Variants in ARHGEF28 observed in about 807,000 individuals in gnomAD.
The protein encoded by ARHGEF28 is 190 kDa guanine nucleotide exchange factor.
In ARHGEF28, 152 loss-of-function variants were observed where a neutral mutation model predicts 206.6. The observed-to-expected ratio is 0.74, with a 90% CI of 0.64 to 0.84. The LOEUF (loss-of-function observed/expected upper bound fraction) is 0.84. Among genes scored for constraint, ARHGEF28 ranks in the 40% least tolerant of loss-of-function variants. The pLI is 0.00. For missense variants in ARHGEF28, 2,028 were observed against 2,073.2 expected, an observed-to-expected ratio of 0.98 and a Z score of 0.42; for synonymous variants, 763 against 776.4, an observed-to-expected ratio of 0.98 and a Z score of 0.29.
intron 7 of ARHGEF28, among the ~76,000 whole-genome samples, chr5:73,785,028 G>A (rs1473162946): frequency 6.6e-6 from 1 of 152,088 alleles, no homozygotes; most frequent in Non-Finnish European, 1.5e-5. Context: ...GAAGGAGTGA[G>A]ATATCATGAG....
chr5:73,662,599 A>C (rs1260928295), intron 1 of ARHGEF28, among the ~76,000 whole-genome samples: 1 of 152,218 alleles, frequency 6.6e-6, no homozygotes, highest in African/African-American at 2.4e-5. Context: ...AATTTTCTTC[A>C]CAAAATATTT....
intron 24 of ARHGEF28, among the ~76,000 whole-genome samples, chr5:73,884,743 A>G (rs1203147053): frequency 7.2e-6 from 1 of 138,332 alleles, no homozygotes; most frequent in Non-Finnish European, 1.6e-5. Context: ...CAGTTGCCTT[A>G]ATAAACATCA....
intron 4 of ARHGEF28, among the ~76,000 whole-genome samples, chr5:73,768,094 A>C (rs1221175296): frequency 6.6e-6 from 1 of 152,218 alleles, no homozygotes; most frequent in East Asian, 1.9e-4. Context: ...TTGGGAACCT[A>C]GATTTCAAAG....
intron 2 of ARHGEF28, among the ~76,000 whole-genome samples, chr5:73,745,529 T>C (rs1043375395): frequency 3.3e-5 from 5 of 152,084 alleles, no homozygotes; most frequent in African/African-American, 1.2e-4. Context: ...ATGAGTAGAA[T>C]TTCTCTAGAG....
chr5:73,852,267 A>C (rs146873310), intron 13 of ARHGEF28, among the ~76,000 whole-genome samples: 54 of 152,342 alleles, frequency 3.5e-4, no homozygotes, highest in Admixed American at 1.8e-3. Flanking sequence ...GTTTAAAAGC[A>C]GTTATTTATT....
At chr5:73,736,814 G>A (rs1467972933) in intron 2 of ARHGEF28, among the ~76,000 whole-genome samples, 2 of 140,948 alleles carry the variant, frequency 1.4e-5, no homozygotes, top group Non-Finnish European at 3.1e-5. Context: ...AAACAACGTC[G>A]AATTTTATGG....
intron 10 of ARHGEF28, among the ~76,000 whole-genome samples, chr5:73,839,809 A>G (rs1307870659): frequency 2.0e-5 from 3 of 152,136 alleles, no homozygotes; most frequent in Non-Finnish European, 4.4e-5. Flanking sequence ...ATGTACGTGC[A>G]CTTTATGTAG....
At chr5:73,641,847 T>C (rs1744128266) in intron 1 of ARHGEF28, among the ~76,000 whole-genome samples, 1 of 152,208 alleles carries the variant, frequency 6.6e-6, no homozygotes, top group Admixed American at 6.5e-5. Flanking sequence ...TTGATATTAA[T>C]AATGAAGAGG....
chr5:73,857,413 C>T (rs1361201297), intron 14 of ARHGEF28, among the ~76,000 whole-genome samples: 1 of 152,100 alleles, frequency 6.6e-6, no homozygotes, highest in Non-Finnish European at 1.5e-5. Flanking sequence ...CCACTTCCAC[C>T]ACCTATGTTC....
chr5:73,790,678 T>C (rs1175039060), intron 7 of ARHGEF28, among the ~76,000 whole-genome samples: 1 of 107,792 alleles, frequency 9.3e-6, no homozygotes, highest in Non-Finnish European at 2.0e-5. Flanking sequence ...GTCCCACTTT[T>C]AGGAAAAAAA....
At chr5:73,775,478 G>A (rs1457986772) in intron 5 of ARHGEF28, among the ~76,000 whole-genome samples, 5 of 152,192 alleles carry the variant, frequency 3.3e-5, no homozygotes, top group African/African-American at 1.2e-4. Context: ...TGAGTGTCAA[G>A]AGTTTGGAGA....
At chr5:73,708,900 A>G (rs1349155367) in intron 2 of ARHGEF28, among the ~76,000 whole-genome samples, 1 of 152,192 alleles carries the variant, frequency 6.6e-6, no homozygotes, top group Non-Finnish European at 1.5e-5. Context: ...AATAGTAGCC[A>G]TTCTGACTGG....
intron 28 of ARHGEF28, 29 bp downstream of exon 28, chr5:73,893,317 G>A (rs374668257): frequency 3.6e-5 from 55 of 1,512,572 alleles, no homozygotes; most frequent in Non-Finnish European, 4.8e-5. Flanking sequence ...TGGCTCCCTG[G>A]TCGTGGTGTT....
At chr5:73,837,349 C>T (rs1292066805) in intron 10 of ARHGEF28, among the ~76,000 whole-genome samples, 1 of 152,022 alleles carries the variant, frequency 6.6e-6, no homozygotes, top group Non-Finnish European at 1.5e-5. Flanking sequence ...GGATATCTTT[C>T]CATTTATCTG....
At chr5:73,809,469 G>A (rs947263656) in intron 9 of ARHGEF28, among the ~76,000 whole-genome samples, 2 of 152,118 alleles carry the variant, frequency 1.3e-5, no homozygotes, top group Admixed American at 6.5e-5. Flanking sequence ...ATTTGAACCC[G>A]GATATCTGTG....
chr5:73,780,484 T>A (rs1255654400), intron 6 of ARHGEF28, 192 bp from the exon 7 acceptor site: 1 of 575,994 alleles, frequency 1.7e-6, no homozygotes, highest in African/African-American at 1.9e-5. Context: ...GCCTTGGAGT[T>A]TCTCCTGACT....
Position 73,909,757 on chromosome 5 carries a change from A to T in ARHGEF28, c.4507A>T (p.Ser1503Cys). 1 of 1,510,822 alleles carries T rather than the reference A, an allele frequency of 6.6e-7. No individual in the cohort carries two copies. Among genetic ancestry groups the T allele is most frequent in the Non-Finnish European group, 8.8e-7 (1 of 1,130,470 alleles). 93.6% of individuals were successfully genotyped at this position (1,510,822 alleles called of 1,614,324 possible). Residue 1503 changes from serine (S) to cysteine (C), a missense_variant, in exon 34 of 36, where the codon AGC becomes TGC. This residue lies in a region of ARHGEF28 where 803 missense variants were observed against 768.0 expected (regional missense o/e 1.05). Transcript: ENST00000513042. ...LDLQLQEYQH[S>C]LERLREGQRL... ...CCTCCAGCTCCAGGAGTACCAGCACAGCCTGGAGCGGCTGAGGGAGGGCCA... is the reference window on the plus strand; with the variant it reads ...CCTCCAGCTCCAGGAGTACCAGCACTGCCTGGAGCGGCTGAGGGAGGGCCA...
chr5:73,736,470 A>G (rs771830228), intron 2 of ARHGEF28, among the ~76,000 whole-genome samples: 2 of 152,230 alleles, frequency 1.3e-5, no homozygotes, highest in African/African-American at 2.4e-5. Flanking sequence ...TTTCTACCTT[A>G]TAGGCCAATT....
chr5:73,840,603 C>T lies in ARHGEF28; in HGVS notation c.1270C>T (p.Pro424Ser), dbSNP rs200853342. The change falls in exon 11 of 36, where the codon CCC becomes TCC. Residue 424 changes from proline to serine, a missense_variant. Physicochemically the swap from Pro to Ser is moderately conservative, Grantham distance 74. This residue lies in a region of ARHGEF28 where 1,002 missense variants were observed against 1,015.3 expected (regional missense o/e 0.99). Coordinates refer to ENST00000513042, the MANE Select transcript of ARHGEF28 (RefSeq NM_001177693.2). ...SKHTLPTETS[P>S]SVYPLSENVE... Reference sequence around the variant, plus strand: ...ACACACCCTTCCTACAGAAACCAGTCCCAGTGTGTACCCACTTAGTGAAAA... The same window carrying T: ...ACACACCCTTCCTACAGAAACCAGTTCCAGTGTGTACCCACTTAGTGAAAA... 93 of 1,613,966 alleles carry T rather than the reference C, an allele frequency of 5.8e-5. No homozygotes were observed. The African/African-American group carries it at 1.2e-3, about 20-fold the overall frequency.
Sources: allele counts gnomAD v4.1 joint callset (sites outside exome capture counted in the v4.1 genomes callset), GRCh38; gene constraint gnomAD v4.1.1; regional missense constraint gnomAD v4.1.1; transcripts MANE v1.5; gene names NCBI Gene and HGNC (gene_info 2026-07-23, HGNC 2026-07-21).